Variants in SLC7A6OS observed in about 807,000 individuals in gnomAD.
SLC7A6OS encodes the protein probable RNA polymerase II nuclear localization protein SLC7A6OS.
SLC7A6OS carries 22 observed loss-of-function variants against 34.3 expected under a neutral mutation model. The observed-to-expected ratio is 0.64, with a 90% CI of 0.46 to 0.92. The LOEUF is 0.92. Ranked by LOEUF, SLC7A6OS falls within the 40% of genes least tolerant of loss-of-function variation. The pLI is 0.00. For synonymous variants in SLC7A6OS, 199 were observed against 165.0 expected, an observed-to-expected ratio of 1.21 and a Z score of -1.58; for missense variants, 434 against 407.7, an observed-to-expected ratio of 1.06 and a Z score of -0.56.
rs1251721369 is a variant in SLC7A6OS, at chr16:68,299,196, C to T, written c.*2079G>A. The T allele has an allele frequency of 6.6e-6, 1 of 152,642 alleles. No homozygotes were observed. Among genetic ancestry groups the T allele is most frequent in the East Asian group, 1.9e-4 (1 of 5,194 alleles). 9.5% of individuals were successfully genotyped at this position (152,642 alleles called of 1,614,324 possible). A position where few individuals can be genotyped will look rare whatever the true frequency, so the allele number is the denominator to read the frequency against. ...GTCTGAGCTAAGCTGGCACCCATCC[C>T]AGGGCTCCTCTGGAGCTAATCCTTT... On this transcript the variant is annotated 3_prime_UTR_variant, in exon 5 of 5. Coordinates refer to ENST00000263997, the MANE Select transcript of SLC7A6OS (RefSeq NM_032178.3).
chr16:68,310,134 C>T (rs1422944966), intron 2 of SLC7A6OS, among the ~76,000 whole-genome samples: 1 of 151,844 alleles, frequency 6.6e-6, no homozygotes, highest in African/African-American at 2.4e-5. Flanking sequence ...ACTGCTGTAT[C>T]CACAGAATCT....
intron 2 of SLC7A6OS, among the ~76,000 whole-genome samples, chr16:68,309,911 C>T (rs897967032): frequency 6.6e-6 from 1 of 152,214 alleles, no homozygotes; most frequent in Admixed American, 6.5e-5. Context: ...TCTTTACTTT[C>T]AGGTTCTCTG....
chr16:68,310,133 T>C (rs910720035), intron 2 of SLC7A6OS, among the ~76,000 whole-genome samples: 8 of 151,894 alleles, frequency 5.3e-5, no homozygotes, highest in African/African-American at 1.9e-4. Flanking sequence ...CACTGCTGTA[T>C]CCACAGAATC....
rs1173632774 is a variant in SLC7A6OS at position 68,310,613 on chromosome 16, C to T, written c.193G>A (p.Glu65Lys). The change falls in exon 2 of 5, where the codon GAG becomes AAG. Residue 65 changes from glutamate (E) to lysine (K), a missense_variant and splice_region_variant. Transcript: ENST00000263997. The part of the protein sequence containing the change: ...FHLVATVCSQ[E>K]EPVQPLLREV... The stretch of plus-strand genomic sequence containing the variant: ...CGCAGGAGAGGCTGGACTGGTTCCT[C>T]CTAGGGGGCAACAGGGGACGGAGGC... 2 of 1,594,434 alleles carry T rather than the reference C, an allele frequency of 1.3e-6. No individual in the cohort carries two copies. The highest frequency in any genetic ancestry group is 1.7e-6 in the Non-Finnish European group (2 of 1,168,700).
chr16:68,303,690 T>C (rs892981743), intron 3 of SLC7A6OS: 1 of 212,926 alleles, frequency 4.7e-6, no homozygotes, highest in African/African-American at 2.3e-5. Context: ...GTCACTCATG[T>C]TAAGAATTTC....
At chr16:68,308,504 G>A (rs190397688) in intron 2 of SLC7A6OS, among the ~76,000 whole-genome samples, 3 of 151,958 alleles carry the variant, frequency 2.0e-5, no homozygotes, top group Non-Finnish European at 4.4e-5. Flanking sequence ...GCTCATGCCT[G>A]TAATCCCAGC....
chr16:68,308,813 G>A (rs2043345345), intron 2 of SLC7A6OS, among the ~76,000 whole-genome samples: 1 of 151,984 alleles, frequency 6.6e-6, no homozygotes, highest in South Asian at 2.1e-4. Context: ...AGCACTTTGG[G>A]AGGTTGAGGC....
In SLC7A6OS at chr16:68,298,602, G is replaced by A. The variant is rs573500754; in HGVS notation, c.*2673C>T. The A allele has an allele frequency of 6.6e-6, 1 of 152,398 alleles. No individual in the cohort carries two copies. Among genetic ancestry groups the A allele is most frequent in the African/African-American group, 2.4e-5 (1 of 41,574 alleles). 9.4% of individuals were successfully genotyped at this position (152,398 alleles called of 1,614,324 possible). On this transcript the variant is annotated 3_prime_UTR_variant, in exon 5 of 5. Transcript: ENST00000263997. ...GTGGCTGCAGTCTCAGGAAGAGCTT[G>A]GTACTTGTGGGGACTTCTGTTTTCT...
chr16:68,303,802 A>G (rs1178129800), intron 3 of SLC7A6OS: 2 of 549,346 alleles, frequency 3.6e-6, no homozygotes, highest in Non-Finnish European at 6.5e-6. Context: ...ACCTTGTAAA[A>G]TATTCATTAA....
chr16:68,309,439 C>G (rs1478027769), intron 2 of SLC7A6OS, among the ~76,000 whole-genome samples: 1 of 152,068 alleles, frequency 6.6e-6, no homozygotes, highest in Non-Finnish European at 1.5e-5. Flanking sequence ...AATCATGGCT[C>G]ACTGTAGCCT....
chr16:68,304,253 A>G (rs1206849648), intron 2 of SLC7A6OS, 21 bp from the exon 3 acceptor site: 1 of 1,601,320 alleles, frequency 6.2e-7, no homozygotes, highest in Non-Finnish European at 8.6e-7. Context: ...ACCACAGATT[A>G]CACACACACG....
In SLC7A6OS at chr16:68,301,296, G is replaced by C. The variant is rs747087917; in HGVS notation, c.909C>G (p.Pro303=). ...DVQKEFGYDS[P]HDLDSD ...ACCATCAGTCTGAATCCAGGTCGTG[G>C]GGGCTGTCATAGCCGAACTCCTTCT... The change falls in exon 5 of 5, where the codon CCC becomes CCG. Residue 303 remains proline, a synonymous_variant. Transcript: ENST00000263997. 15 of 1,613,898 alleles carry C rather than the reference G, an allele frequency of 9.3e-6. No individual in the cohort carries two copies. The African/African-American group carries it at 1.2e-4, about 13-fold the overall frequency.
In SLC7A6OS at chr16:68,307,713, T is replaced by C. The variant is rs1159174629; in HGVS notation, c.471+2622A>G. On this transcript the variant is annotated intron_variant, in intron 2 of 4. Coordinates refer to ENST00000263997, the MANE Select transcript of SLC7A6OS (RefSeq NM_032178.3). ...CCTTGCCAGCATTGCTATCAACTACTTTTTTCCTGCTAGTCTAGTATGCAT... is the reference window on the plus strand; with the variant it reads ...CCTTGCCAGCATTGCTATCAACTACCTTTTTCCTGCTAGTCTAGTATGCAT... Among the ~76,000 whole-genome samples the C allele has an allele frequency of 2.0e-5, 3 of 152,176 alleles. No individual in the cohort carries two copies. In the East Asian group the frequency reaches 5.8e-4, roughly 29 times the overall value.
In SLC7A6OS at chr16:68,310,458, C is replaced by T. The variant is rs1227091562; in HGVS notation, c.348G>A (p.Ser116=). The change falls in exon 2 of 5, where the codon TCG becomes TCA. Residue 116 remains serine (S), a synonymous_variant. Transcript: ENST00000263997. The stretch of plus-strand genomic sequence containing the variant: ...GCGTGTACTCGGACTCCTGGCCGCT[C>T]GAGGTGGTCCCCAAGGATCGGCGGC... ...LSSRRSLGTT[S]SGQESEYTPG... 1 of 1,601,840 alleles carries T rather than the reference C, an allele frequency of 6.2e-7. No homozygotes were observed. Among genetic ancestry groups the T allele is most frequent in the Non-Finnish European group, 8.5e-7 (1 of 1,174,536 alleles).
intron 3 of SLC7A6OS, among the ~76,000 whole-genome samples, chr16:68,302,989 C>T (rs11860071): frequency 0.06 from 9,162 of 152,182 alleles, 363 homozygotes; most frequent in Middle Eastern, 0.14. Context: ...ATAGGCTGGG[C>T]GCGGTGGCTC....
intron 1 of SLC7A6OS, 59 bp from the exon 2 acceptor site, chr16:68,310,672 A>T: frequency 6.3e-7 from 1 of 1,580,998 alleles, no homozygotes; most frequent in Non-Finnish European, 8.6e-7. Context: ...CGGGTCAGGG[A>T]TCGGGTTTCG....
In SLC7A6OS at chr16:68,301,387, C is replaced by A. The variant is rs200760334; in HGVS notation, c.818G>T (p.Ser273Ile). 4 of 1,614,090 alleles carry A rather than the reference C, an allele frequency of 2.5e-6. No individual in the cohort carries two copies. The highest frequency in any genetic ancestry group is 2.2e-5 in the East Asian group (1 of 44,874). ...GCTGCCTCTTTCCTCCTCACTCAGG[C>A]TGTTGTAGTCAGCAGAGCCTAGAAT... The part of the protein sequence containing the change: ...EDSRGSADYN[S>I]LSEEERGSSR... Residue 273 changes from serine to isoleucine, a missense_variant, in exon 5 of 5, where the codon AGC becomes ATC. Transcript: ENST00000263997.
Position 68,300,807 on chromosome 16 carries a change from CTG to C in SLC7A6OS, c.*466_*467del, listed in dbSNP as rs2043256943. On this transcript the variant is annotated 3_prime_UTR_variant, in exon 5 of 5. Transcript: ENST00000263997. Reference sequence around the variant, plus strand: ...GCCCTAATGGCCATTACTATCCAGTCTGTATTGCTACAAGGGACCCACTGGTA... The same window carrying C: ...GCCCTAATGGCCATTACTATCCAGTCTATTGCTACAAGGGACCCACTGGTA... The C allele has an allele frequency of 1.0e-6, 1 of 985,750 alleles. No homozygotes were observed. The highest frequency in any genetic ancestry group is 6.1e-5 in the Admixed American group (1 of 16,304). 61.1% of individuals were successfully genotyped at this position (985,750 alleles called of 1,614,324 possible).
rs945114740 is a variant in SLC7A6OS, at chr16:68,298,940, C to T, written c.*2335G>A. On this transcript the variant is annotated 3_prime_UTR_variant, in exon 5 of 5. Transcript: ENST00000263997. Reference sequence around the variant, plus strand: ...GAGGCAGTCTCCCTTCCTGACCATTCTTCTCCACCCAGTCACAGATAAGGG... The same window carrying T: ...GAGGCAGTCTCCCTTCCTGACCATTTTTCTCCACCCAGTCACAGATAAGGG... The T allele has an allele frequency of 4.6e-5, 7 of 152,638 alleles. No individual in the cohort carries two copies. Among genetic ancestry groups the T allele is most frequent in the African/African-American group, 1.7e-4 (7 of 41,448 alleles). The allele number at this position is 152,638 out of a possible 1,614,324, so 9.5% of individuals were successfully genotyped here. A position where few individuals can be genotyped will look rare whatever the true frequency, so the allele number is the denominator to read the frequency against.
Sources: allele counts gnomAD v4.1 joint callset (sites outside exome capture counted in the v4.1 genomes callset), GRCh38; gene constraint gnomAD v4.1.1; transcripts MANE v1.5; gene names NCBI Gene and HGNC (gene_info 2026-07-23, HGNC 2026-07-21).